The following TMC1 variants were observed in gnomAD, a reference collection of about 807,000 sequenced individuals.
TMC1 encodes the protein transmembrane channel like 1, also known as transmembrane channel-like protein 1.
In TMC1, 84 loss-of-function variants were observed where a neutral mutation model predicts 105.8. The observed-to-expected ratio is 0.79, with a 90% CI of 0.67 to 0.95. The LOEUF (loss-of-function observed/expected upper bound fraction) is 0.95, where lower values mean the gene tolerates loss of function less well. Among genes scored for constraint, TMC1 ranks in the 40% least tolerant of loss-of-function variants. The pLI is 0.00. For missense variants in TMC1, 817 were observed against 914.1 expected (o/e 0.89, Z 1.37); for synonymous variants, 315 against 311.5 (o/e 1.01, Z -0.12).
chr9:72,701,853 T>C (rs763745006), intron 8 of TMC1, among the ~76,000 whole-genome samples: 24 of 152,330 alleles, frequency 1.6e-4, no homozygotes, highest in Non-Finnish European at 3.1e-4. Flanking sequence ...TTCTAAACAA[T>C]GGTTTTCCCA....
chr9:72,795,038 A>G (rs1283223167), intron 17 of TMC1, among the ~76,000 whole-genome samples: 1 of 152,218 alleles, frequency 6.6e-6, no homozygotes, highest in East Asian at 1.9e-4. Context: ...TTAGAACTTG[A>G]AGACTGGCTC....
chr9:72,702,519 A>G (rs1337914646), intron 8 of TMC1, among the ~76,000 whole-genome samples: 1 of 152,204 alleles, frequency 6.6e-6, no homozygotes, highest in African/African-American at 2.4e-5. Flanking sequence ...AACTTGGCAC[A>G]TAGCTGGGAA....
chr9:72,554,994 T>A (rs1037621361), intron 1 of TMC1, among the ~76,000 whole-genome samples: 2 of 152,160 alleles, frequency 1.3e-5, no homozygotes, highest in Admixed American at 1.3e-4. Flanking sequence ...TTCTCCTGCC[T>A]CAGTCTTCTG....
At chr9:72,724,517 T>C (rs552007396) in intron 8 of TMC1, among the ~76,000 whole-genome samples, 2 of 152,162 alleles carry the variant, frequency 1.3e-5, no homozygotes, top group Admixed American at 1.3e-4. Context: ...TTAGGAGACA[T>C]AGTCAAACCA....
chr9:72,588,434 C>T (rs573496928), intron 2 of TMC1, among the ~76,000 whole-genome samples: 2 of 152,258 alleles, frequency 1.3e-5, no homozygotes, highest in African/African-American at 4.8e-5. Context: ...CTTGCTCACT[C>T]CTGTGCTCTC....
chr9:72,650,666 C>G (rs987036128), intron 5 of TMC1, among the ~76,000 whole-genome samples: 6 of 151,678 alleles, frequency 4.0e-5, no homozygotes, highest in Non-Finnish European at 2.9e-5. Context: ...TATCCTCCCC[C>G]CTCACATAGA....
intron 2 of TMC1, among the ~76,000 whole-genome samples, chr9:72,594,347 AG>A: frequency 6.6e-6 from 1 of 152,308 alleles, no homozygotes; most frequent in South Asian, 2.1e-4. Flanking sequence ...GAGGAAGATA[AG>A]GGATAGTTTA....
rs78920079 is a variant in TMC1, at chr9:72,740,310, T to C, written c.453+101T>C. 2.0e-4 allele frequency: 202 copies of C among 994,652 alleles called. No homozygotes were observed. The East Asian group carries it at 3.7e-3, about 18-fold the overall frequency. The allele number at this position is 994,652 out of a possible 1,614,324, so 61.6% of individuals were successfully genotyped here. A position where few individuals can be genotyped will look rare whatever the true frequency, so the allele number is the denominator to read the frequency against. On this transcript the variant is annotated intron_variant, in intron 9 of 23. Transcript: ENST00000297784. Reference sequence around the variant, plus strand: ...AAAAAAATCTTACATTTTGTATATATAAAACACAAATACTCATACAGTATA... The same window carrying C: ...AAAAAAATCTTACATTTTGTATATACAAAACACAAATACTCATACAGTATA...
chr9:72,629,167 T>C (rs1217071947), intron 4 of TMC1, among the ~76,000 whole-genome samples: 1 of 152,234 alleles, frequency 6.6e-6, no homozygotes, highest in Non-Finnish European at 1.5e-5. Context: ...TAGGTAATTA[T>C]TCCTATGACA....
intron 7 of TMC1, among the ~76,000 whole-genome samples, chr9:72,697,660 C>A (rs549474618): frequency 6.6e-6 from 1 of 152,140 alleles, no homozygotes; most frequent in East Asian, 1.9e-4. Flanking sequence ...ATAGATAATT[C>A]TTTCATTCTT....
chr9:72,619,512 A>G (rs1825203469), intron 3 of TMC1, among the ~76,000 whole-genome samples: 1 of 152,162 alleles, frequency 6.6e-6, no homozygotes, highest in Non-Finnish European at 1.5e-5. Context: ...GAATGAATAA[A>G]TGGTGAAATG....
intron 12 of TMC1, among the ~76,000 whole-genome samples, chr9:72,761,151 A>G (rs915873963): frequency 2.1e-4 from 32 of 152,366 alleles, no homozygotes; most frequent in Admixed American, 1.9e-3. Context: ...CAATGAATCA[A>G]ATAAGCAGAA....
chr9:72,805,078 A>G (rs1278897794), intron 17 of TMC1, among the ~76,000 whole-genome samples: 5 of 152,232 alleles, frequency 3.3e-5, no homozygotes, highest in Admixed American at 1.3e-4. Flanking sequence ...GCTATTCACC[A>G]CATAAAATTT....
chr9:72,631,731 T>C (rs1237580235), intron 4 of TMC1, among the ~76,000 whole-genome samples: 1 of 152,162 alleles, frequency 6.6e-6, no homozygotes, highest in African/African-American at 2.4e-5. Flanking sequence ...CCATCCACAC[T>C]CTGCCTATTG....
At chr9:72,551,348 G>C (rs190639154) in intron 1 of TMC1, among the ~76,000 whole-genome samples, 1 of 152,182 alleles carries the variant, frequency 6.6e-6, no homozygotes, top group Admixed American at 6.6e-5. Flanking sequence ...TAAAACAAAA[G>C]ATCTTATAGG....
In TMC1 at chr9:72,764,149, A is replaced by AT. The variant is rs1266562762; in HGVS notation, c.742-8257dup. 3.9e-5 allele frequency among the ~76,000 whole-genome samples: 6 copies of AT among 152,082 alleles called. 1 individual carries two copies. Among genetic ancestry groups the AT allele is most frequent in the Admixed American group, 3.9e-4 (6 of 15,272 alleles). ...AAGTAGATTATGTAAATCTACATTC[A>AT]TTTTTTTCCAAGTAGCTGCAATATA... On this transcript the variant is annotated intron_variant, in intron 12 of 23. Coordinates refer to ENST00000297784, the MANE Select transcript of TMC1 (RefSeq NM_138691.3).
intron 11 of TMC1, 140 bp downstream of exon 11, chr9:72,752,096 C>A: frequency 2.9e-6 from 2 of 698,408 alleles, no homozygotes; most frequent in South Asian, 1.6e-5. Context: ...GATTAACCTT[C>A]AAAATGGTGC....
At chr9:72,750,595 C>A (rs1483809110) in intron 10 of TMC1, among the ~76,000 whole-genome samples, 1 of 152,048 alleles carries the variant, frequency 6.6e-6, no homozygotes, top group African/African-American at 2.4e-5. Context: ...TTACTTTTCA[C>A]TTCTGGGGGC....
intron 4 of TMC1, among the ~76,000 whole-genome samples, chr9:72,632,204 A>G (rs995246627): frequency 6.6e-6 from 1 of 151,848 alleles, no homozygotes; most frequent in Admixed American, 6.6e-5. Flanking sequence ...GAGAGAGAGA[A>G]AGAGAGAGAG....
Sources: gnomAD v4.1 joint callset for allele counts (sites outside exome capture counted in the v4.1 genomes callset) on GRCh38, gnomAD v4.1.1 for gene constraint, MANE v1.5 for transcripts, NCBI Gene and HGNC (gene_info 2026-07-23, HGNC 2026-07-21) for gene names.